The following ALMS1 variants were observed in gnomAD, a reference collection of about 807,000 sequenced individuals.
ALMS1 encodes centrosome-associated protein ALMS1.
In ALMS1, 271 loss-of-function variants were observed where a neutral mutation model predicts 352.2. The observed-to-expected ratio is 0.77, with a 90% CI of 0.70 to 0.85. The LOEUF is 0.85. Ranked by LOEUF, ALMS1 falls within the 40% of genes least tolerant of loss-of-function variation. The pLI is 0.00. For synonymous variants in ALMS1, 1,865 were observed against 1,761.2 expected, an observed-to-expected ratio of 1.06 and a Z score of -1.48; for missense variants, 5,445 against 4,870.7, an observed-to-expected ratio of 1.12 and a Z score of -3.51.
At chr2:73,447,114 T>C (rs1437302494) in intron 7 of ALMS1, among the ~76,000 whole-genome samples, 1 of 152,142 alleles carries the variant, frequency 6.6e-6, no homozygotes, top group African/African-American at 2.4e-5. Flanking sequence ...TCATGTATTT[T>C]GAATGAACAA....
chr2:73,489,683 G>A lies in ALMS1; in HGVS notation c.7724G>A (p.Ser2575Asn), dbSNP rs3820700. 0.14 allele frequency: 222,546 copies of A among 1,613,854 alleles called. 16,134 individuals are homozygous for A. Among genetic ancestry groups the A allele is most frequent in the East Asian group, 0.24 (10,680 of 44,862 alleles). Residue 2575 changes from serine to asparagine, a missense_variant, in exon 10 of 23, where the codon AGT (serine) becomes AAT (asparagine). Ser to Asn is a conservative substitution (Grantham distance 46). Transcript: ENST00000613296. ...GMGCKPEAVC[S>N]HIIIESHEKG... ...GGATGCAAGCCAGAAGCTGTATGTA[G>A]TCACATTATTATTGAGAGCCATGAA... is the stretch of plus-strand genomic sequence containing the variant.
chr2:73,559,787 A>G (rs777578918), intron 15 of ALMS1, among the ~76,000 whole-genome samples: 9 of 152,214 alleles, frequency 5.9e-5, no homozygotes, highest in Non-Finnish European at 1.0e-4. Flanking sequence ...GGGAAAGGAT[A>G]GTCTCTTCAA....
intron 11 of ALMS1, among the ~76,000 whole-genome samples, chr2:73,528,282 T>C (rs893091230): frequency 2.0e-5 from 3 of 152,248 alleles, no homozygotes; most frequent in African/African-American, 7.2e-5. Context: ...CTTCGTTGAT[T>C]TTTCTGTCTG....
chr2:73,410,015 G>T (rs1163271130), intron 2 of ALMS1, among the ~76,000 whole-genome samples: 1 of 152,148 alleles, frequency 6.6e-6, no homozygotes, highest in Non-Finnish European at 1.5e-5. Context: ...GGCCTTCAAG[G>T]TACTGGATCA....
intron 7 of ALMS1, among the ~76,000 whole-genome samples, chr2:73,440,880 T>C (rs1671706529): frequency 6.6e-6 from 1 of 152,230 alleles, no homozygotes; most frequent in Non-Finnish European, 1.5e-5. Context: ...AGGTTTTCCA[T>C]ATAGGCTCTG....
At chr2:73,598,514 A>G (rs1179653709) in intron 16 of ALMS1, among the ~76,000 whole-genome samples, 1 of 152,080 alleles carries the variant, frequency 6.6e-6, no homozygotes, top group Admixed American at 6.5e-5. Context: ...ATTCTGTTAC[A>G]AGTTTCTTTG....
intron 16 of ALMS1, among the ~76,000 whole-genome samples, chr2:73,581,326 T>C (rs1675172730): frequency 6.6e-6 from 1 of 152,214 alleles, no homozygotes; most frequent in South Asian, 2.1e-4. Context: ...GGCAGGTCCC[T>C]TGTGTCAGTC....
Position 73,491,046 on chromosome 2 carries a change from A to G in ALMS1, c.9087A>G (p.Thr3029=). The G allele has an allele frequency of 1.2e-6, 2 of 1,614,240 alleles. No homozygotes were observed. The highest frequency in any genetic ancestry group is 8.5e-7 in the Non-Finnish European group (1 of 1,180,034). ...CCCAGTCAGCCCCAAATCACTGTAC[A>G]TTAGCAGCATCTGCATCTACTCCTC... ...VVSQSAPNHC[T]LAASASTPPS... is the part of the protein sequence containing the mutation. Residue 3029 remains threonine (T), a synonymous_variant, in exon 10 of 23, where the codon ACA becomes ACG. Transcript: ENST00000613296.
chr2:73,469,233 A>C (rs1031007204), intron 9 of ALMS1, among the ~76,000 whole-genome samples: 1 of 151,930 alleles, frequency 6.6e-6, no homozygotes, highest in African/African-American at 2.4e-5. Context: ...TCTAAAATAA[A>C]CCAAACCAAA....
intron 22 of ALMS1, 30 bp downstream of exon 22, chr2:73,608,604 G>A: frequency 6.5e-7 from 1 of 1,549,720 alleles, no homozygotes; most frequent in South Asian, 1.1e-5. Context: ...AGAGTGGGAT[G>A]GATCAGGTTT....
intron 6 of ALMS1, among the ~76,000 whole-genome samples, chr2:73,429,694 C>A (rs944460927): frequency 1.3e-5 from 2 of 152,088 alleles, no homozygotes; most frequent in South Asian, 2.1e-4. Context: ...CCTTTGGAGA[C>A]CTAGTTGCCT....
At chr2:73,442,607 C>G (rs1205130695) in intron 7 of ALMS1, among the ~76,000 whole-genome samples, 1 of 152,114 alleles carries the variant, frequency 6.6e-6, no homozygotes, top group Non-Finnish European at 1.5e-5. Context: ...ATGAAAGAGT[C>G]TCGATGATTG....
chr2:73,600,787 T>A lies in ALMS1; in HGVS notation c.11778T>A (p.Thr3926=). ...AATTGGAAGAGAACAGTGATGTGAC[T>A]TCTTGGTCAGAAGAAAAACGTGAAG... The part of the protein sequence containing the change: ...EAKLEENSDV[T]SWSEEKREEK... The change falls in exon 18 of 23, where the codon ACT becomes ACA. Residue 3926 remains threonine, a synonymous_variant. Coordinates refer to ENST00000613296, the MANE Select transcript of ALMS1 (RefSeq NM_001378454.1). 1 of 1,614,230 alleles carries A rather than the reference T, an allele frequency of 6.2e-7. No homozygotes were observed. Among genetic ancestry groups the A allele is most frequent in the South Asian group, 1.1e-5 (1 of 91,082 alleles).
intron 9 of ALMS1, among the ~76,000 whole-genome samples, chr2:73,482,111 C>T (rs376482569): frequency 3.3e-5 from 5 of 152,044 alleles, no homozygotes; most frequent in Admixed American, 2.0e-4. Context: ...CTTCCAACAC[C>T]ATGTTGAATA....
At chr2:73,595,633 C>T (rs1675532027) in intron 16 of ALMS1, among the ~76,000 whole-genome samples, 1 of 152,122 alleles carries the variant, frequency 6.6e-6, no homozygotes, top group Non-Finnish European at 1.5e-5. Context: ...ATTTTCATTT[C>T]TTCTGGGTTT....
At chr2:73,564,612 A>G (rs1674764747) in intron 15 of ALMS1, among the ~76,000 whole-genome samples, 1 of 152,162 alleles carries the variant, frequency 6.6e-6, no homozygotes, top group Non-Finnish European at 1.5e-5. Flanking sequence ...GCAAATACTG[A>G]TCCACTTTTT....
At chr2:73,493,485 G>A (rs1229996881) in intron 10 of ALMS1, among the ~76,000 whole-genome samples, 1 of 151,888 alleles carries the variant, frequency 6.6e-6, no homozygotes, top group African/African-American at 2.4e-5. Flanking sequence ...CACTTTGGGA[G>A]GCCAAGGTGG....
chr2:73,449,818 C>T lies in ALMS1; in HGVS notation c.3291C>T (p.Tyr1097=), dbSNP rs933667520. ...TDTPAVPSTF[Y]SQREKPGIFY... is the part of the protein sequence containing the mutation. The stretch of plus-strand genomic sequence containing the variant: ...CACCAGCAGTACCGTCTACTTTCTA[C>T]TCACAAAGAGAGAAGCCTGGTATTT... Residue 1097 remains tyrosine, a synonymous_variant, in exon 8 of 23, where the codon TAC becomes TAT. Coordinates refer to ENST00000613296, the MANE Select transcript of ALMS1 (RefSeq NM_001378454.1). The T allele has an allele frequency of 9.9e-6, 16 of 1,614,122 alleles. No individual in the cohort carries two copies. The Middle Eastern group carries it at 4.9e-4, about 50-fold the overall frequency.
chr2:73,400,499 G>C (rs888198318), intron 1 of ALMS1, among the ~76,000 whole-genome samples: 3 of 152,154 alleles, frequency 2.0e-5, no homozygotes, highest in African/African-American at 7.2e-5. Context: ...TCTTCTGAGA[G>C]ATTTTAGAGA....
Sources: allele counts gnomAD v4.1 joint callset (sites outside exome capture counted in the v4.1 genomes callset), GRCh38; gene constraint gnomAD v4.1.1; transcripts MANE v1.5; gene names NCBI Gene and HGNC (gene_info 2026-07-23, HGNC 2026-07-21).